Variants in TRPC7 observed in about 807,000 individuals in gnomAD.
The protein encoded by TRPC7 is short transient receptor potential channel 7.
In TRPC7, 42 loss-of-function variants were observed where a neutral mutation model predicts 90.1. The ratio of observed to expected loss-of-function variants is 0.47; its 90% confidence interval spans 0.36 to 0.60. TRPC7 has a LOEUF of 0.60. TRPC7 is among the 20% of genes least tolerant of loss of function. TRPC7 has a pLI of 0.00. For synonymous variants in TRPC7, 451 were observed against 436.3 expected, an observed-to-expected ratio of 1.03 and a Z score of -0.42; for missense variants, 955 against 1,112.3, an observed-to-expected ratio of 0.86 and a Z score of 2.01.
intron 3 of TRPC7, among the ~76,000 whole-genome samples, chr5:136,280,361 C>A (rs1188167664): frequency 6.6e-6 from 1 of 152,148 alleles, no homozygotes; most frequent in East Asian, 1.9e-4. Context: ...TATTTTTAAT[C>A]TTCTTGAAGG....
rs563023788 is a variant in TRPC7, at chr5:136,348,418, C to G, written c.780+8190G>C. On this transcript the variant is annotated intron_variant, in intron 2 of 11. Transcript: ENST00000513104. ...TTCCTATTCTCTGTTGTCCATTTATCTCTTTTATTCCATTGGGTTTCATTT... is the reference window on the plus strand; with the variant it reads ...TTCCTATTCTCTGTTGTCCATTTATGTCTTTTATTCCATTGGGTTTCATTT... Among the ~76,000 whole-genome samples the G allele has an allele frequency of 1.2e-4, 18 of 152,300 alleles. No homozygotes were observed. In the South Asian group the frequency reaches 3.5e-3, roughly 30 times the overall value.
At chr5:136,320,994 G>T (rs542391938) in intron 2 of TRPC7, among the ~76,000 whole-genome samples, 2 of 152,186 alleles carry the variant, frequency 1.3e-5, no homozygotes, top group African/African-American at 4.8e-5. Context: ...TGAGGGCATG[G>T]ATTTTTTTCT....
intron 2 of TRPC7, among the ~76,000 whole-genome samples, chr5:136,330,884 C>T (rs1234726726): frequency 1.3e-5 from 2 of 152,178 alleles, no homozygotes; most frequent in African/African-American, 4.8e-5. Context: ...GACTCTCACC[C>T]GGAGATCATC....
chr5:136,254,729 T>C (rs936959078), intron 5 of TRPC7, among the ~76,000 whole-genome samples: 1 of 152,244 alleles, frequency 6.6e-6, no homozygotes, highest in African/African-American at 2.4e-5. Flanking sequence ...TCAAGTCTTA[T>C]TATTTTAAAA....
intron 2 of TRPC7, among the ~76,000 whole-genome samples, chr5:136,339,388 C>T (rs1300982470): frequency 6.6e-6 from 1 of 152,176 alleles, no homozygotes; most frequent in Non-Finnish European, 1.5e-5. Flanking sequence ...AGAAGGCAGG[C>T]ATAGTTAAAT....
chr5:136,326,086 A>G (rs1759334987), intron 2 of TRPC7, among the ~76,000 whole-genome samples: 2 of 152,238 alleles, frequency 1.3e-5, no homozygotes, highest in South Asian at 4.1e-4. Context: ...TAAGAACTGA[A>G]AAATGAGTGC....
At chr5:136,302,313 G>C (rs1171077627) in intron 3 of TRPC7, among the ~76,000 whole-genome samples, 1 of 152,100 alleles carries the variant, frequency 6.6e-6, no homozygotes, top group African/African-American at 2.4e-5. Flanking sequence ...GGAGGGGAAA[G>C]TACCCCTCAA....
chr5:136,254,251 A>G (rs1756617748), intron 5 of TRPC7, among the ~76,000 whole-genome samples: 1 of 152,228 alleles, frequency 6.6e-6, no homozygotes, highest in South Asian at 2.1e-4. Context: ...CGGATTTTTG[A>G]TGTAGATTAA....
intron 5 of TRPC7, among the ~76,000 whole-genome samples, chr5:136,260,893 T>C (rs1404998700): frequency 6.6e-6 from 1 of 152,248 alleles, no homozygotes; most frequent in Non-Finnish European, 1.5e-5. Flanking sequence ...CTAGAGTTGC[T>C]TCTGATAAAG....
chr5:136,310,466 T>C (rs1758789769), intron 3 of TRPC7, among the ~76,000 whole-genome samples: 1 of 152,180 alleles, frequency 6.6e-6, no homozygotes, highest in South Asian at 2.1e-4. Flanking sequence ...TACTTGAGAC[T>C]AGCTTTCTGA....
At chr5:136,301,360 T>TTTTTTA (rs1561709111) in intron 3 of TRPC7, among the ~76,000 whole-genome samples, 2 of 70,168 alleles carry the variant, frequency 2.9e-5, no homozygotes, top group African/African-American at 5.2e-5. Flanking sequence ...TTTTTTTTTT[T>TTTTTTA]AACAAATCAT....
intron 3 of TRPC7, among the ~76,000 whole-genome samples, chr5:136,313,981 T>C (rs1293961374): frequency 6.6e-6 from 1 of 152,252 alleles, no homozygotes; most frequent in Non-Finnish European, 1.5e-5. Flanking sequence ...ACTTCTGCAC[T>C]AACTGAGTAA....
At chr5:136,350,761 T>C (rs1760169963) in intron 2 of TRPC7, among the ~76,000 whole-genome samples, 1 of 152,198 alleles carries the variant, frequency 6.6e-6, no homozygotes, top group Admixed American at 6.5e-5. Flanking sequence ...TTCACCTGTG[T>C]ATGCTTATTG....
At chr5:136,351,972 C>T (rs1018673545) in intron 2 of TRPC7, among the ~76,000 whole-genome samples, 2 of 152,196 alleles carry the variant, frequency 1.3e-5, no homozygotes, top group Non-Finnish European at 2.9e-5. Context: ...TATTCTTCCC[C>T]TCTGAAGTCT....
intron 7 of TRPC7, among the ~76,000 whole-genome samples, chr5:136,238,123 G>A (rs902394780): frequency 1.2e-4 from 19 of 152,154 alleles, no homozygotes; most frequent in Non-Finnish European, 2.9e-5. Context: ...TTCTTATTGA[G>A]GCTTCAGGCT....
chr5:136,320,021 C>A (rs138846705), intron 2 of TRPC7, among the ~76,000 whole-genome samples: 29 of 152,250 alleles, frequency 1.9e-4, no homozygotes, highest in African/African-American at 7.0e-4. Context: ...CTTTCACCCA[C>A]CTTTCTTCTC....
chr5:136,356,583 G>A, intron 2 of TRPC7, 25 bp downstream of exon 2: 1 of 1,508,862 alleles, frequency 6.6e-7, no homozygotes, highest in Non-Finnish European at 8.9e-7. Flanking sequence ...CAACCTGCCT[G>A]CAGGGTGCTA....
At chr5:136,296,845 G>A (rs1019655571) in intron 3 of TRPC7, among the ~76,000 whole-genome samples, 12 of 152,260 alleles carry the variant, frequency 7.9e-5, no homozygotes, top group South Asian at 4.1e-4. Context: ...CCTGGAGGCC[G>A]TGTTCCATAT....
intron 4 of TRPC7, among the ~76,000 whole-genome samples, chr5:136,271,661 C>T (rs1757216203): frequency 6.6e-6 from 1 of 152,226 alleles, no homozygotes; most frequent in Non-Finnish European, 1.5e-5. Context: ...CTGAGCTCAA[C>T]TAAGTTGGTG....
Sources: gnomAD v4.1 joint callset for allele counts (sites outside exome capture counted in the v4.1 genomes callset) on GRCh38, gnomAD v4.1.1 for gene constraint, MANE v1.5 for transcripts, NCBI Gene and HGNC (gene_info 2026-07-23, HGNC 2026-07-21) for gene names.